IGF2R: variants seen among roughly 807,000 people sequenced by gnomAD.
The protein encoded by IGF2R is cation-independent mannose-6-phosphate receptor.
In IGF2R, 91 loss-of-function variants were observed where a neutral mutation model predicts 270.6. That is an observed-to-expected ratio of 0.34 (90% confidence interval 0.28 to 0.40). The LOEUF (loss-of-function observed/expected upper bound fraction) is 0.40. Among genes scored for constraint, IGF2R ranks in the 10% least tolerant of loss-of-function variants. The probability of loss-of-function intolerance (pLI) is 1.00; values close to 1 mark genes in which losing one functional copy is unlikely to be tolerated. For synonymous variants in IGF2R, 1,316 were observed against 1,258.9 expected (o/e 1.05, Z -0.96); for missense variants, 2,805 against 3,188.3 (o/e 0.88, Z 2.90).
At chr6:159,975,914 T>C (rs1475878314) in intron 1 of IGF2R, among the ~76,000 whole-genome samples, 1 of 151,726 alleles carries the variant, frequency 6.6e-6, no homozygotes, top group East Asian at 1.9e-4. Flanking sequence ...TGAAATATGC[T>C]TACAGCTCTG....
At chr6:160,015,527 G>A (rs768129553) in intron 4 of IGF2R, among the ~76,000 whole-genome samples, 36 of 151,994 alleles carry the variant, frequency 2.4e-4, no homozygotes, top group East Asian at 3.9e-4. Context: ...AAACTGTACC[G>A]CAAAGATGTG....
At chr6:160,068,623 C>T (rs1048982225) in intron 30 of IGF2R, among the ~76,000 whole-genome samples, 1 of 151,756 alleles carries the variant, frequency 6.6e-6, no homozygotes, top group Non-Finnish European at 1.5e-5. Flanking sequence ...AAGGCTGGCA[C>T]TGGTGAGAGA....
intron 3 of IGF2R, 82 bp from the exon 4 acceptor site, chr6:160,010,605 C>T (rs1467431264): frequency 2.3e-6 from 2 of 884,958 alleles, no homozygotes; most frequent in Non-Finnish European, 3.7e-6. Context: ...ATTTTAGTAG[C>T]CTTTACTGCA....
intron 44 of IGF2R, among the ~76,000 whole-genome samples, chr6:160,091,787 T>C (rs1779232894): frequency 6.6e-6 from 1 of 152,214 alleles, no homozygotes; most frequent in Admixed American, 6.5e-5. Context: ...AAGGAAGGAT[T>C]GTTTCAGAAG....
At chr6:160,015,391 T>G (rs963110817) in intron 4 of IGF2R, among the ~76,000 whole-genome samples, 1 of 152,240 alleles carries the variant, frequency 6.6e-6, no homozygotes, top group African/African-American at 2.4e-5. Context: ...GTTCACTTGG[T>G]GACCAGGGCC....
At chr6:159,984,360 C>T (rs564006782) in intron 1 of IGF2R, among the ~76,000 whole-genome samples, 12 of 152,094 alleles carry the variant, frequency 7.9e-5, no homozygotes, top group South Asian at 4.1e-4. Context: ...CTGCTGTAAA[C>T]GAACCCACTG....
At chr6:159,981,951 A>G (rs921868775) in intron 1 of IGF2R, among the ~76,000 whole-genome samples, 3 of 152,008 alleles carry the variant, frequency 2.0e-5, no homozygotes, top group Non-Finnish European at 4.4e-5. Flanking sequence ...CCCTGCTTCT[A>G]TTTATTTGTA....
At position 160,080,235 on chromosome 6, in the gene IGF2R, G is replaced by T. The variant is rs759855498; in HGVS notation, c.5793G>T (p.Ala1931=). 1 of 1,614,042 alleles carries T rather than the reference G, an allele frequency of 6.2e-7. No homozygotes were observed. The highest frequency in any genetic ancestry group is 1.3e-5 in the African/African-American group (1 of 74,942). Residue 1931 remains alanine (A), a synonymous_variant, in exon 39 of 48, where the codon GCG becomes GCT. Transcript: ENST00000356956. ...CGAAGCTGTGGTGTAGCACAACTGCGGACTACGACAGAGACCACGAGTGGG... is the reference window on the plus strand; with the variant it reads ...CGAAGCTGTGGTGTAGCACAACTGCTGACTACGACAGAGACCACGAGTGGG... ...SRAKLWCSTT[A]DYDRDHEWGF...
intron 25 of IGF2R, among the ~76,000 whole-genome samples, chr6:160,062,168 A>ATTTTTTTTTTT (rs34356477): frequency 1.9e-5 from 2 of 106,618 alleles, no homozygotes; most frequent in South Asian, 3.1e-4. Context: ...CATTTATTTA[A>ATTTTTTTTTTT]TTTTTTTTTT....
chr6:160,082,117 C>A (rs1562372134), intron 39 of IGF2R, among the ~76,000 whole-genome samples: 1 of 152,166 alleles, frequency 6.6e-6, no homozygotes, highest in African/African-American at 2.4e-5. Context: ...TCAGCAGGTC[C>A]CTCCGTTCAT....
In IGF2R at chr6:160,057,874, G is replaced by A. The variant is rs560459303; in HGVS notation, c.2797-149G>A. 2.5e-5 allele frequency: 15 copies of A among 595,834 alleles called. No individual in the cohort carries two copies. The South Asian group carries it at 2.9e-4, about 12-fold the overall frequency. The allele number at this position is 595,834 out of a possible 1,614,324, so 36.9% of individuals were successfully genotyped here. ...TGTATTTGAAGAGGCTACATGTAGG[G>A]CTACATTTTTGATAGGGATTTTGAA... On this transcript the variant is annotated intron_variant, in intron 20 of 47. Transcript: ENST00000356956.
At chr6:160,002,066 T>C (rs1371934257) in intron 2 of IGF2R, among the ~76,000 whole-genome samples, 1 of 152,172 alleles carries the variant, frequency 6.6e-6, no homozygotes, top group African/African-American at 2.4e-5. Context: ...ACTATATTCT[T>C]ACAATAAAGT....
At chr6:159,984,275 A>G (rs1395822535) in intron 1 of IGF2R, among the ~76,000 whole-genome samples, 1 of 152,218 alleles carries the variant, frequency 6.6e-6, no homozygotes, top group Non-Finnish European at 1.5e-5. Flanking sequence ...AAGCTGAACA[A>G]TTCTTATCAC....
At chr6:160,022,808 C>T (rs554540348) in intron 4 of IGF2R, among the ~76,000 whole-genome samples, 1 of 152,088 alleles carries the variant, frequency 6.6e-6, no homozygotes. Context: ...GTAAAGGTGT[C>T]AGAAGAGGCC....
chr6:159,970,748 A>G (rs114532783), intron 1 of IGF2R, among the ~76,000 whole-genome samples: 216 of 152,326 alleles, frequency 1.4e-3, no homozygotes, highest in African/African-American at 5.1e-3. Flanking sequence ...ATTTAGAGGA[A>G]GGCATTTTGG....
chr6:160,069,397 G>T (rs1778665249), intron 30 of IGF2R, among the ~76,000 whole-genome samples: 1 of 152,134 alleles, frequency 6.6e-6, no homozygotes, highest in Admixed American at 6.5e-5. Flanking sequence ...GTTGTGCTGT[G>T]CAGACTTCGA....
chr6:160,103,977 A>AT (rs1038869082), intron 47 of IGF2R, among the ~76,000 whole-genome samples, 162 bp downstream of exon 47: 9 of 151,998 alleles, frequency 5.9e-5, no homozygotes, highest in East Asian at 1.9e-4. Context: ...ACGCCAGCAC[A>AT]TTTTTTTGTT....
rs1262347850 is a variant in IGF2R, at chr6:160,104,885, G to C, written c.7277G>C (p.Gly2426Ala). The C allele has an allele frequency of 1.2e-6, 2 of 1,614,192 alleles. No homozygotes were observed. Among genetic ancestry groups the C allele is most frequent in the Admixed American group, 3.3e-5 (2 of 60,032 alleles). The change falls in exon 48 of 48, where the codon GGA becomes GCA. Residue 2426 changes from glycine to alanine, a missense_variant. Physicochemically the swap from Gly to Ala is moderately conservative, Grantham distance 60 (BLOSUM62 0). Coordinates refer to ENST00000356956, the MANE Select transcript of IGF2R (RefSeq NM_000876.4). The stretch of plus-strand genomic sequence containing the variant: ...GAGGTGAAAGTTCACTCGGGCAGGG[G>C]AGCTGGGGCAGAGAGCTCCCACCCA... ...IPEVKVHSGR[G>A]AGAESSHPVR...
At chr6:160,019,304 AAAAC>A (rs1371244207) in intron 4 of IGF2R, among the ~76,000 whole-genome samples, 3 of 152,148 alleles carry the variant, frequency 2.0e-5, no homozygotes, top group Admixed American at 6.5e-5. Flanking sequence ...TAAGAAAAAC[AAAAC>A]AAACAAAACA....
Sources: allele counts gnomAD v4.1 joint callset (sites outside exome capture counted in the v4.1 genomes callset), GRCh38; gene constraint gnomAD v4.1.1; transcripts MANE v1.5; gene names NCBI Gene and HGNC (gene_info 2026-07-23, HGNC 2026-07-21).